HDAC9: variants seen among roughly 807,000 people sequenced by gnomAD.
The protein encoded by HDAC9 is MEF-2 interacting transcription repressor (MITR) protein.
A neutral mutation model predicts 139.4 loss-of-function variants in HDAC9; 41 were observed. The ratio of observed to expected loss-of-function variants is 0.29; its 90% CI spans 0.23 to 0.38. The LOEUF (loss-of-function observed/expected upper bound fraction) is 0.38, where lower values mean the gene tolerates loss of function less well. Ranked by LOEUF, HDAC9 falls within the 10% of genes least tolerant of loss-of-function variation. The pLI, the probability that HDAC9 is intolerant of heterozygous loss-of-function variation, is 1.00. For synonymous variants in HDAC9, 517 were observed against 476.2 expected, an observed-to-expected ratio of 1.09 and a Z score of -1.12; for missense variants, 1,147 against 1,297.0, an observed-to-expected ratio of 0.88 and a Z score of 1.78.
intron 1 of HDAC9, among the ~76,000 whole-genome samples, chr7:18,413,727 T>C (rs530344588): frequency 6.6e-6 from 1 of 152,286 alleles, no homozygotes; most frequent in South Asian, 2.1e-4. Flanking sequence ...TGGGAATCAC[T>C]ATTCTGTATA....
intron 2 of HDAC9, among the ~76,000 whole-genome samples, chr7:18,547,671 CA>C (rs1815446519): frequency 6.6e-6 from 1 of 152,198 alleles, no homozygotes; most frequent in Non-Finnish European, 1.5e-5. Flanking sequence ...GAACTTCTTT[CA>C]AAATTGAAGT....
intron 12 of HDAC9, among the ~76,000 whole-genome samples, chr7:18,686,844 A>G (rs1464312934): frequency 6.6e-6 from 1 of 151,898 alleles, no homozygotes; most frequent in East Asian, 1.9e-4. Flanking sequence ...AAATAATTCA[A>G]CTAATCTAAC....
At chr7:18,672,825 C>A (rs1049080191) in intron 12 of HDAC9, among the ~76,000 whole-genome samples, 1 of 151,950 alleles carries the variant, frequency 6.6e-6, no homozygotes, top group Non-Finnish European at 1.5e-5. Flanking sequence ...ACTTTATCTT[C>A]ATTTTCCTTA....
intron 14 of HDAC9, among the ~76,000 whole-genome samples, chr7:18,749,799 A>G (rs1191416331): frequency 6.6e-6 from 1 of 152,206 alleles, no homozygotes; most frequent in East Asian, 1.9e-4. Context: ...ACCAGCTGCT[A>G]TTCGATTTAG....
chr7:18,250,227 A>G (rs1359142205), intron 2 of HDAC9, among the ~76,000 whole-genome samples: 1 of 152,252 alleles, frequency 6.6e-6, no homozygotes, highest in Non-Finnish European at 1.5e-5. Context: ...AGCAAACAGC[A>G]TTGGGTTTAG....
chr7:18,180,723 T>G (rs1448812936), intron 2 of HDAC9, among the ~76,000 whole-genome samples: 1 of 152,230 alleles, frequency 6.6e-6, no homozygotes, highest in Non-Finnish European at 1.5e-5. Flanking sequence ...ATTAGTTTCC[T>G]GTGGCTGCTG....
At chr7:18,194,474 G>A (rs534354481) in intron 2 of HDAC9, among the ~76,000 whole-genome samples, 2 of 152,096 alleles carry the variant, frequency 1.3e-5, no homozygotes, top group African/African-American at 2.4e-5. Context: ...CACCCTCACC[G>A]TTGTCCCATC....
rs530024873 is a variant in HDAC9, at chr7:18,780,814, A to G, written c.2215-12531A>G. On this transcript the variant is annotated intron_variant, in intron 16 of 25. Transcript: ENST00000686413. The stretch of plus-strand genomic sequence containing the variant: ...AGACCTTGAAGAAAGAGCAGTAAAG[A>G]CAGACACCCATAACCCTATGCCTAG... 2.6e-5 allele frequency among the ~76,000 whole-genome samples: 4 copies of G among 152,160 alleles called. No individual in the cohort carries two copies. The South Asian group carries it at 8.3e-4, about 32-fold the overall frequency.
At chr7:18,295,503 A>G (rs752545) in intron 1 of HDAC9, among the ~76,000 whole-genome samples, 99,384 of 152,004 alleles carry the variant, frequency 0.65, 33,917 homozygotes, top group African/African-American at 0.86. Flanking sequence ...TATGAAGACA[A>G]TAAAAGAGAC....
chr7:18,105,919 T>G (rs1411924776), intron 1 of HDAC9, among the ~76,000 whole-genome samples: 2 of 152,178 alleles, frequency 1.3e-5, no homozygotes, highest in Non-Finnish European at 2.9e-5. Context: ...AGCAGTGATT[T>G]ATGCTACACC....
At chr7:18,848,851 A>G (rs1312623723) in intron 21 of HDAC9, among the ~76,000 whole-genome samples, 2 of 152,178 alleles carry the variant, frequency 1.3e-5, no homozygotes, top group Admixed American at 6.5e-5. Context: ...AGAATATCCT[A>G]TAGGGAAAAA....
chr7:18,639,413 G>T (rs1194651395), intron 8 of HDAC9, among the ~76,000 whole-genome samples: 1 of 151,986 alleles, frequency 6.6e-6, no homozygotes, highest in Non-Finnish European at 1.5e-5. Flanking sequence ...CAAAACATCA[G>T]TGCCTTTCAA....
intron 1 of HDAC9, among the ~76,000 whole-genome samples, chr7:18,295,299 C>T (rs1484058879): frequency 1.3e-5 from 2 of 152,000 alleles, no homozygotes; most frequent in Non-Finnish European, 2.9e-5. Flanking sequence ...AAGAAAATAG[C>T]ATATTCAGGA....
chr7:18,692,939 A>AC (rs1298903559), intron 12 of HDAC9, among the ~76,000 whole-genome samples: 9 of 152,106 alleles, frequency 5.9e-5, no homozygotes, highest in African/African-American at 2.2e-4. Context: ...GATGATAAAT[A>AC]CATTTTTTGT....
intron 1 of HDAC9, among the ~76,000 whole-genome samples, chr7:18,403,857 T>G (rs1421155710): frequency 1.3e-5 from 2 of 152,208 alleles, no homozygotes; most frequent in Non-Finnish European, 2.9e-5. Flanking sequence ...GAACTTGCTA[T>G]GAGTCTATTT....
At chr7:18,207,220 T>C (rs1418417109) in intron 2 of HDAC9, among the ~76,000 whole-genome samples, 1 of 152,150 alleles carries the variant, frequency 6.6e-6, no homozygotes, top group African/African-American at 2.4e-5. Flanking sequence ...ATTACAGGCA[T>C]GAGCCACTGC....
chr7:18,853,424 T>C (rs377137477), intron 21 of HDAC9, among the ~76,000 whole-genome samples: 18 of 152,298 alleles, frequency 1.2e-4, no homozygotes, highest in African/African-American at 3.8e-4. Flanking sequence ...AGTTCAGCAA[T>C]ATAATAGATG....
intron 13 of HDAC9, among the ~76,000 whole-genome samples, chr7:18,745,883 C>CTTTTTTTT (rs752292349): frequency 1.7e-4 from 17 of 99,478 alleles, no homozygotes; most frequent in South Asian, 3.4e-4. Context: ...TCTTCTTCTT[C>CTTTTTTTT]TTTTTTTTTT....
intron 2 of HDAC9, among the ~76,000 whole-genome samples, chr7:18,532,139 A>G (rs537787054): frequency 2.0e-5 from 3 of 152,234 alleles, no homozygotes; most frequent in African/African-American, 7.2e-5. Flanking sequence ...AGTCCCAGCT[A>G]CTTGGGAGGC....
Sources: allele counts gnomAD v4.1 joint callset (sites outside exome capture counted in the v4.1 genomes callset), GRCh38; gene constraint gnomAD v4.1.1; transcripts MANE v1.5; gene names NCBI Gene and HGNC (gene_info 2026-07-23, HGNC 2026-07-21).